CCNJL: variants seen among roughly 807,000 people sequenced by gnomAD.
CCNJL encodes cyclin J like.
In CCNJL, 33 loss-of-function variants were observed where a neutral mutation model predicts 33.4. That is an observed-to-expected ratio of 0.99 (90% CI 0.75 to 1.32). CCNJL has a LOEUF of 1.32. Among genes scored for constraint, CCNJL ranks in the 40% most tolerant of loss-of-function variants. The pLI is 0.00. For missense variants in CCNJL, 512 were observed against 499.7 expected, an observed-to-expected ratio of 1.02 and a Z score of -0.23; for synonymous variants, 227 against 220.9, an observed-to-expected ratio of 1.03 and a Z score of -0.24.
chr5:160,265,123 A>G (rs1234694921), intron 3 of CCNJL, among the ~76,000 whole-genome samples: 1 of 152,134 alleles, frequency 6.6e-6, no homozygotes, highest in Non-Finnish European at 1.5e-5. Context: ...CCCAGGCTTG[A>G]GCGCGGCCCA....
rs145043767 is a variant in CCNJL at position 160,322,922 on chromosome 5, TA to T, written n.207-7418del. 5.4e-4 allele frequency among the ~76,000 whole-genome samples: 69 copies of T among 128,178 alleles called. 1 individual carries two copies. The highest frequency in any genetic ancestry group is 1.5e-3 in the South Asian group (6 of 4,038). 84.1% of individuals were successfully genotyped at this position (128,178 alleles called of 152,430 possible). A position where few individuals can be genotyped will look rare whatever the true frequency, so the allele number is the denominator to read the frequency against. On this transcript the variant is annotated intron_variant and non_coding_transcript_variant, in intron 1 of 7. Transcript: ENST00000377503. ...AGCAACACTCCATCTCAAAAAAAATTAAAAAAAAAAATAATAAAAATGTCCC... is the reference window on the plus strand; with the variant it reads ...AGCAACACTCCATCTCAAAAAAAATTAAAAAAAAAATAATAAAAATGTCCC...
intron 3 of CCNJL, among the ~76,000 whole-genome samples, chr5:160,278,296 A>G (rs1762086813): frequency 6.6e-6 from 1 of 152,092 alleles, no homozygotes; most frequent in Non-Finnish European, 1.5e-5. Flanking sequence ...CACCGCGCCC[A>G]GCCTTCCTGT....
intron 1 of CCNJL, among the ~76,000 whole-genome samples, chr5:160,327,713 C>T (rs1046359206): frequency 1.3e-5 from 2 of 152,158 alleles, no homozygotes; most frequent in African/African-American, 4.8e-5. Flanking sequence ...GATAAAGCTC[C>T]AGAGTAAGGA....
intron 3 of CCNJL, among the ~76,000 whole-genome samples, chr5:160,272,058 G>A (rs957431737): frequency 3.9e-5 from 6 of 152,210 alleles, no homozygotes; most frequent in African/African-American, 1.4e-4. Flanking sequence ...TACAATTAGA[G>A]CCGTGGAGGC....
chr5:160,255,768 A>G lies in CCNJL; in HGVS notation c.584-60T>C, dbSNP rs1761036822. On this transcript the variant is annotated intron_variant, in intron 4 of 5. Coordinates refer to ENST00000257536, the MANE Select transcript of CCNJL (RefSeq NM_001308173.3). ...ATCCTCCCCTTGGAATCCCAGGCCC[A>G]CCCTGAGAATGGATGGACAAATGAA... 4 of 1,478,686 alleles carry G rather than the reference A, an allele frequency of 2.7e-6. No homozygotes were observed. The South Asian group carries it at 4.6e-5, about 17-fold the overall frequency. 91.6% of individuals were successfully genotyped at this position (1,478,686 alleles called of 1,614,324 possible).
chr5:160,304,038 T>C (rs1324479979), intron 2 of CCNJL, among the ~76,000 whole-genome samples: 3 of 152,088 alleles, frequency 2.0e-5, no homozygotes, highest in African/African-American at 7.2e-5. Context: ...CCACACCCAT[T>C]TTCTCCCTGG....
At chr5:160,319,201 C>T (rs1001811544) in intron 1 of CCNJL, among the ~76,000 whole-genome samples, 1 of 152,140 alleles carries the variant, frequency 6.6e-6, no homozygotes, top group African/African-American at 2.4e-5. Flanking sequence ...TGGCCTAGAA[C>T]TCCTGGGTTC....
intron 2 of CCNJL, among the ~76,000 whole-genome samples, chr5:160,310,676 TA>T (rs1763232833): frequency 6.6e-6 from 1 of 152,198 alleles, no homozygotes; most frequent in Admixed American, 6.5e-5. Flanking sequence ...TTTTCAGATG[TA>T]ATTAAATTAT....
intron 4 of CCNJL, chr5:160,258,446 G>A: frequency 1.9e-6 from 2 of 1,046,544 alleles, no homozygotes; most frequent in East Asian, 4.7e-5. Context: ...CACATGAAGA[G>A]GGCACTGGAC....
chr5:160,309,898 G>A (rs1485347846), intron 2 of CCNJL, among the ~76,000 whole-genome samples: 2 of 152,158 alleles, frequency 1.3e-5, no homozygotes, highest in Non-Finnish European at 2.9e-5. Flanking sequence ...TCGTCTCTCC[G>A]AGGTGGGCAG....
chr5:160,333,454 G>GGCAGT (rs1281305156), intron 1 of CCNJL, among the ~76,000 whole-genome samples: 2 of 151,884 alleles, frequency 1.3e-5, no homozygotes, highest in Non-Finnish European at 2.9e-5. Context: ...AGCCAGGCAT[G>GGCAGT]GCAGTGTGCA....
upstream of CCNJL, among the ~76,000 whole-genome samples, chr5:160,317,153 C>T (rs190273922): frequency 7.9e-5 from 12 of 152,272 alleles, no homozygotes; most frequent in East Asian, 1.9e-3. Context: ...GATTTTTAAT[C>T]GTGTGCTCTA....
intron 2 of CCNJL, among the ~76,000 whole-genome samples, chr5:160,296,307 C>T (rs969346503): frequency 2.0e-5 from 3 of 152,226 alleles, no homozygotes; most frequent in Non-Finnish European, 4.4e-5. Context: ...AGAGGGAGTC[C>T]TTCAACTGAC....
intron 2 of CCNJL, among the ~76,000 whole-genome samples, chr5:160,283,881 T>C (rs1229039262): frequency 6.6e-6 from 1 of 152,202 alleles, no homozygotes; most frequent in East Asian, 1.9e-4. Flanking sequence ...GAAGTTTGTC[T>C]TTCTGTGCCT....
chr5:160,280,643 C>T lies in CCNJL; in HGVS notation c.162G>A (p.Gln54=). 6.2e-7 allele frequency: 1 copy of T among 1,613,600 alleles called. No individual in the cohort carries two copies. Among genetic ancestry groups the T allele is most frequent in the Non-Finnish European group, 8.5e-7 (1 of 1,179,948 alleles). ...CCAGGTGCCGGGCTGCAGGGCAGAG[C>T]TGGCAGTGGCTGCTCAGCAGGGTCA... ...DILTLLSSHC[Q]LCPAARHLAV... The change falls in exon 3 of 6, where the codon CAG becomes CAA. Residue 54 remains glutamine (Q), a synonymous_variant. Coordinates refer to ENST00000257536, the MANE Select transcript of CCNJL (RefSeq NM_001308173.3).
chr5:160,284,587 G>A (rs1762346036), intron 2 of CCNJL, among the ~76,000 whole-genome samples: 1 of 152,312 alleles, frequency 6.6e-6, no homozygotes, highest in African/African-American at 2.4e-5. Flanking sequence ...TTGTCTCTGA[G>A]GGGAGGGAGG....
chr5:160,287,484 G>A (rs866162343), intron 2 of CCNJL, among the ~76,000 whole-genome samples: 25 of 152,332 alleles, frequency 1.6e-4, no homozygotes, highest in African/African-American at 5.8e-4. Flanking sequence ...TAACAATGTA[G>A]GACTGCAGCA....
chr5:160,275,085 GTTT>G (rs1554119622), intron 3 of CCNJL, among the ~76,000 whole-genome samples: 1 of 113,050 alleles, frequency 8.8e-6, no homozygotes, highest in Non-Finnish European at 1.8e-5. Flanking sequence ...GGATTTGTGT[GTTT>G]TTTTTTTTTT....
At chr5:160,279,751 C>T (rs1762143885) in intron 3 of CCNJL, among the ~76,000 whole-genome samples, 1 of 152,102 alleles carries the variant, frequency 6.6e-6, no homozygotes, top group Non-Finnish European at 1.5e-5. Flanking sequence ...GTGGCTGGAA[C>T]CCAGGAAGTG....
Sources: allele counts gnomAD v4.1 joint callset (sites outside exome capture counted in the v4.1 genomes callset), GRCh38; gene constraint gnomAD v4.1.1; transcripts MANE v1.5; gene names NCBI Gene and HGNC (gene_info 2026-07-23, HGNC 2026-07-21).